Variants in GULP1 observed in about 807,000 individuals in gnomAD.
GULP1 encodes GULP PTB domain containing engulfment adaptor 1, also known as PTB domain-containing engulfment adapter protein 1.
Under a neutral mutation model 40.9 loss-of-function variants are expected in GULP1, and 19 were observed. That is an observed-to-expected ratio of 0.46 (90% CI 0.32 to 0.68). GULP1 has a LOEUF of 0.68. Ranked by LOEUF, GULP1 falls within the 30% of genes least tolerant of loss-of-function variation. The pLI, the probability that GULP1 is intolerant of heterozygous loss-of-function variation, is 0.03. For synonymous variants in GULP1, 119 were observed against 117.6 expected (o/e 1.01, Z -0.08); for missense variants, 312 against 362.2 (o/e 0.86, Z 1.12).
chr2:188,508,676 A>C (rs1401493758), intron 4 of GULP1, among the ~76,000 whole-genome samples: 1 of 151,972 alleles, frequency 6.6e-6, no homozygotes, highest in African/African-American at 2.4e-5. Flanking sequence ...CTTTCAGCCT[A>C]CTAACAGAAT....
chr2:188,498,507 T>C (rs578013119), intron 4 of GULP1, among the ~76,000 whole-genome samples: 10 of 152,068 alleles, frequency 6.6e-5, no homozygotes, highest in African/African-American at 2.4e-4. Flanking sequence ...TAACAATTCC[T>C]GTCAGAATCA....
At chr2:188,478,926 A>G (rs1275030300) in intron 3 of GULP1, among the ~76,000 whole-genome samples, 1 of 152,158 alleles carries the variant, frequency 6.6e-6, no homozygotes, top group East Asian at 1.9e-4. Context: ...CAGATGAGAA[A>G]GACTGAGATG....
chr2:188,498,802 T>C (rs908235925), intron 4 of GULP1, among the ~76,000 whole-genome samples: 1 of 151,814 alleles, frequency 6.6e-6, no homozygotes, highest in Non-Finnish European at 1.5e-5. Flanking sequence ...ATCTGATCAC[T>C]ATATTCAAAG....
chr2:188,430,597 T>C (rs1374340165), intron 2 of GULP1, among the ~76,000 whole-genome samples: 4 of 152,182 alleles, frequency 2.6e-5, no homozygotes, highest in Non-Finnish European at 5.9e-5. Context: ...TACCCCACAA[T>C]GGAAGCCTCA....
At chr2:188,506,562 A>G (rs1019743560) in intron 4 of GULP1, among the ~76,000 whole-genome samples, 4 of 152,032 alleles carry the variant, frequency 2.6e-5, no homozygotes, top group Non-Finnish European at 4.4e-5. Context: ...TGTCTCATTA[A>G]CTCAAGAAAT....
At chr2:188,467,686 T>C (rs373495395) in intron 2 of GULP1, among the ~76,000 whole-genome samples, 2 of 152,164 alleles carry the variant, frequency 1.3e-5, no homozygotes, top group East Asian at 3.8e-4. Context: ...CACTTATCGA[T>C]AACTCATTTT....
chr2:188,545,110 T>G (rs1257230748), intron 7 of GULP1, among the ~76,000 whole-genome samples: 1 of 151,890 alleles, frequency 6.6e-6, no homozygotes, highest in African/African-American at 2.4e-5. Context: ...AACAAAAGCC[T>G]GTCAAATGAT....
rs767356999 is a variant in GULP1 at position 188,587,828 on chromosome 2, T to C, written c.749-27T>C. The C allele has an allele frequency of 4.1e-5, 52 of 1,262,352 alleles. No individual in the cohort carries two copies. In the Admixed American group the frequency reaches 8.6e-4, roughly 21 times the overall value. 78.2% of individuals were successfully genotyped at this position (1,262,352 alleles called of 1,614,324 possible). On this transcript the variant is annotated intron_variant, in intron 10 of 11. Coordinates refer to ENST00000409830, the MANE Select transcript of GULP1 (RefSeq NM_016315.4). ...CTCCAGCTCACTTCTTGTTATTTCATTTACTAAATTATTTCCTTCCTTGCA... is the reference window on the plus strand; with the variant it reads ...CTCCAGCTCACTTCTTGTTATTTCACTTACTAAATTATTTCCTTCCTTGCA...
intron 2 of GULP1, among the ~76,000 whole-genome samples, chr2:188,404,826 C>T (rs2052835594): frequency 6.6e-6 from 1 of 152,064 alleles, no homozygotes; most frequent in African/African-American, 2.4e-5. Flanking sequence ...GGTTCCAGAC[C>T]AGCTCCAAGC....
intron 1 of GULP1, among the ~76,000 whole-genome samples, chr2:188,308,151 C>A (rs1383116081): frequency 1.9e-5 from 2 of 106,236 alleles, no homozygotes; most frequent in Non-Finnish European, 4.0e-5. Flanking sequence ...TTAGCATCCA[C>A]ATGTGTTCAG....
chr2:188,450,872 C>T (rs960324794), intron 2 of GULP1, among the ~76,000 whole-genome samples: 6 of 152,142 alleles, frequency 3.9e-5, no homozygotes, highest in Admixed American at 6.5e-5. Flanking sequence ...GATTGCAATT[C>T]GAGCACCATC....
At chr2:188,341,692 C>CT (rs1294610953) in intron 1 of GULP1, among the ~76,000 whole-genome samples, 6 of 152,138 alleles carry the variant, frequency 3.9e-5, no homozygotes, top group South Asian at 2.1e-4. Flanking sequence ...TCAGAGCTTA[C>CT]TGTGTGCCAA....
chr2:188,350,931 T>C (rs368707647), intron 1 of GULP1, among the ~76,000 whole-genome samples: 46 of 152,250 alleles, frequency 3.0e-4, no homozygotes, highest in South Asian at 1.2e-3. Flanking sequence ...CTTAATTTCA[T>C]AGAGAAGCCA....
At chr2:188,396,404 C>T (rs1035386266) in intron 2 of GULP1, among the ~76,000 whole-genome samples, 4 of 152,306 alleles carry the variant, frequency 2.6e-5, no homozygotes, top group African/African-American at 7.2e-5. Context: ...GAGAGGAGCA[C>T]AGCTGCCTCA....
chr2:188,411,045 A>C (rs1157905787), intron 2 of GULP1, among the ~76,000 whole-genome samples: 1 of 152,130 alleles, frequency 6.6e-6, no homozygotes, highest in Non-Finnish European at 1.5e-5. Flanking sequence ...CGGCAATGTC[A>C]ATTACCCTCT....
Position 188,462,041 on chromosome 2 carries a change from T to A in GULP1, c.-44-15618T>A, listed in dbSNP as rs376836283. On this transcript the variant is annotated intron_variant, in intron 2 of 11. Coordinates refer to ENST00000409830, the MANE Select transcript of GULP1 (RefSeq NM_016315.4). The stretch of plus-strand genomic sequence containing the variant: ...TACATTATTTATTTGAAGTTTTTCT[T>A]CTTTTTTGTTGGAGTCACTTACAGC... Among the ~76,000 whole-genome samples, 22 of 152,196 alleles carry A rather than the reference T, an allele frequency of 1.4e-4. No homozygotes were observed. In the South Asian group the frequency reaches 4.6e-3, roughly 32 times the overall value.
chr2:188,564,910 T>C (rs1000618139), intron 7 of GULP1, among the ~76,000 whole-genome samples: 2 of 151,854 alleles, frequency 1.3e-5, no homozygotes. Flanking sequence ...CATGGTTAAT[T>C]TTTTTTCCCA....
chr2:188,339,965 TATTA>T (rs1215174171), intron 1 of GULP1, among the ~76,000 whole-genome samples: 1 of 152,168 alleles, frequency 6.6e-6, no homozygotes, highest in Non-Finnish European at 1.5e-5. Flanking sequence ...ACTTGTTGAG[TATTA>T]ATTAAAAAGG....
chr2:188,473,153 C>CTT (rs1359307376), intron 2 of GULP1, among the ~76,000 whole-genome samples: 1 of 146,114 alleles, frequency 6.8e-6, no homozygotes, highest in African/African-American at 2.7e-5. Context: ...TGGGGTCTCT[C>CTT]TTTCTCTCTC....
Sources: gnomAD v4.1 joint callset for allele counts (sites outside exome capture counted in the v4.1 genomes callset) on GRCh38, gnomAD v4.1.1 for gene constraint, MANE v1.5 for transcripts, NCBI Gene and HGNC (gene_info 2026-07-23, HGNC 2026-07-21) for gene names.